The following MAPK14 variants were observed in gnomAD, a reference collection of about 807,000 sequenced individuals.
The protein encoded by MAPK14 is CSAID-binding protein.
A neutral mutation model predicts 49.6 loss-of-function variants in MAPK14; 16 were observed. The observed-to-expected ratio is 0.32, with a 90% CI of 0.22 to 0.49. The LOEUF (loss-of-function observed/expected upper bound fraction) is 0.49. MAPK14 is among the 20% of genes least tolerant of loss of function. The pLI, the probability that MAPK14 is intolerant of heterozygous loss-of-function variation, is 0.99. For synonymous variants in MAPK14, 142 were observed against 158.0 expected (o/e 0.90, Z 0.76); for missense variants, 200 against 441.2 (o/e 0.45, Z 4.90).
intron 3 of MAPK14, among the ~76,000 whole-genome samples, chr6:36,065,102 G>A (rs965617972): frequency 1.3e-5 from 2 of 152,178 alleles, no homozygotes; most frequent in East Asian, 3.9e-4. Flanking sequence ...CTCATCAGAA[G>A]CTCTTCTTTT....
chr6:36,079,446 G>C (rs1181424355), intron 8 of MAPK14, among the ~76,000 whole-genome samples: 1 of 152,028 alleles, frequency 6.6e-6, no homozygotes, highest in Non-Finnish European at 1.5e-5. Flanking sequence ...ATTGGAAGAA[G>C]AAATGTCCTG....
intron 1 of MAPK14, among the ~76,000 whole-genome samples, chr6:36,029,747 T>C (rs1762463529): frequency 6.6e-6 from 1 of 152,248 alleles, no homozygotes; most frequent in South Asian, 2.1e-4. Flanking sequence ...GCTTAAGTTA[T>C]GTTGCAGATA....
At chr6:36,059,170 G>A (rs1763703296) in intron 2 of MAPK14, 119 bp from the exon 3 acceptor site, 8 of 602,882 alleles carry the variant, frequency 1.3e-5, no homozygotes, top group East Asian at 1.2e-4. Flanking sequence ...GATTACAGGC[G>A]TGAGCCACTG....
chr6:36,115,660 G>A (rs1216948663), downstream of MAPK14, among the ~76,000 whole-genome samples: 1 of 152,132 alleles, frequency 6.6e-6, no homozygotes, highest in Non-Finnish European at 1.5e-5. Context: ...GGGCGCAGTG[G>A]CTTACACCTG....
intron 8 of MAPK14, among the ~76,000 whole-genome samples, chr6:36,086,004 C>T (rs1442229745): frequency 6.6e-6 from 1 of 152,154 alleles, no homozygotes; most frequent in East Asian, 1.9e-4. Context: ...TTAAGAAACT[C>T]ACTCAAAACC....
At chr6:36,120,971 A>G in the MAPK14 span, among the ~76,000 whole-genome samples, 1 of 152,188 alleles carries the variant, frequency 6.6e-6, no homozygotes, top group Non-Finnish European at 1.5e-5. Flanking sequence ...TTAACTGAGA[A>G]TTCCAAGTCT....
intron 4 of MAPK14, chr6:36,073,251 A>C (rs2127442045): frequency 2.2e-6 from 1 of 457,856 alleles, no homozygotes. Flanking sequence ...ATCCATAGAT[A>C]CTTCAGTTTG....
Position 36,102,761 on chromosome 6 carries a change from C to T in MAPK14, c.841+112C>T, listed in dbSNP as rs906532634. On this transcript the variant is annotated intron_variant, in intron 10 of 11. Transcript: ENST00000229794. ...CCAAATAAAGTACCATTAGTTGAAT[C>T]TTGGAAGGTGATAAATACGGCTTTT... 9 of 1,557,632 alleles carry T rather than the reference C, an allele frequency of 5.8e-6. No individual in the cohort carries two copies. In the African/African-American group the frequency reaches 1.3e-4, roughly 22 times the overall value.
At chr6:36,068,010 A>G (rs559730978) in intron 3 of MAPK14, among the ~76,000 whole-genome samples, 3 of 152,310 alleles carry the variant, frequency 2.0e-5, no homozygotes, top group East Asian at 3.9e-4. Flanking sequence ...CAATAATGCT[A>G]TAACTAAAAA....
At chr6:36,051,254 T>G (rs922009988) in intron 1 of MAPK14, among the ~76,000 whole-genome samples, 1 of 151,934 alleles carries the variant, frequency 6.6e-6, no homozygotes, top group African/African-American at 2.4e-5. Context: ...TAGCTGGGAT[T>G]ACAGGCACCT....
chr6:36,040,390 A>G (rs150606586), intron 1 of MAPK14, among the ~76,000 whole-genome samples: 6 of 152,312 alleles, frequency 3.9e-5, no homozygotes, highest in South Asian at 2.1e-4. Flanking sequence ...ATAACCCTGT[A>G]TATTTGATTG....
rs1372735758 is a variant in MAPK14, at chr6:36,108,819, C to T, written c.*372C>T. 3.0e-5 allele frequency: 7 copies of T among 236,168 alleles called. No homozygotes were observed. Among genetic ancestry groups the T allele is most frequent in the African/African-American group, 1.4e-4 (6 of 43,628 alleles). 14.6% of individuals were successfully genotyped at this position (236,168 alleles called of 1,614,324 possible). A position where few individuals can be genotyped will look rare whatever the true frequency, so the allele number is the denominator to read the frequency against. On this transcript the variant is annotated 3_prime_UTR_variant, in exon 12 of 12. Transcript: ENST00000229794. ...TCCCCAATCCCGGTCATGCTTTTGCCACTTTGGCTTCTCCTGTGACCCCAC... is the reference window on the plus strand; with the variant it reads ...TCCCCAATCCCGGTCATGCTTTTGCTACTTTGGCTTCTCCTGTGACCCCAC...
At chr6:36,034,897 C>CTTTTTTTTTTT (rs200316205) in intron 1 of MAPK14, among the ~76,000 whole-genome samples, 1 of 121,040 alleles carries the variant, frequency 8.3e-6, no homozygotes, top group African/African-American at 3.2e-5. Flanking sequence ...TTCTTTCTTT[C>CTTTTTTTTTTT]TTTTTTTTTT....
intron 3 of MAPK14, among the ~76,000 whole-genome samples, chr6:36,060,983 A>G (rs748038076): frequency 1.1e-4 from 17 of 152,304 alleles, no homozygotes; most frequent in Non-Finnish European, 2.4e-4. Context: ...GCTTGATACA[A>G]CAATATGGAG....
At chr6:36,043,199 T>A (rs1382918334) in intron 1 of MAPK14, among the ~76,000 whole-genome samples, 1 of 152,214 alleles carries the variant, frequency 6.6e-6, no homozygotes, top group Non-Finnish European at 1.5e-5. Context: ...GAAATTGTTT[T>A]GTGATTAAAT....
chr6:36,061,829 G>T (rs1032339585), intron 3 of MAPK14, among the ~76,000 whole-genome samples: 1 of 152,286 alleles, frequency 6.6e-6, no homozygotes, highest in South Asian at 2.1e-4. Context: ...AATTGAGGTC[G>T]TTGACTTCTG....
At chr6:36,115,244 G>GTGC (rs397759961), downstream of MAPK14, among the ~76,000 whole-genome samples, 2 of 151,560 alleles carry the variant, frequency 1.3e-5, no homozygotes, top group African/African-American at 4.9e-5. Flanking sequence ...AATAGAAACT[G>GTGC]CCACCACCAT....
chr6:36,100,313 A>G (rs774924979), intron 9 of MAPK14: 1 of 1,394,142 alleles, frequency 7.2e-7, no homozygotes, highest in Non-Finnish European at 1.0e-6. Context: ...GAGAAGCCAC[A>G]TTCTCATTTT....
chr6:36,092,196 A>G (rs1317765422), intron 8 of MAPK14: 3 of 535,368 alleles, frequency 5.6e-6, no homozygotes, highest in African/African-American at 3.8e-5. Context: ...TTTCTGCGTC[A>G]TCTCCGTTAA....
Sources: gnomAD v4.1 joint callset for allele counts (sites outside exome capture counted in the v4.1 genomes callset) on GRCh38, gnomAD v4.1.1 for gene constraint, MANE v1.5 for transcripts, NCBI Gene and HGNC (gene_info 2026-07-23, HGNC 2026-07-21) for gene names.